Variants in PATJ observed in about 807,000 individuals in gnomAD.
The protein encoded by PATJ is inaD-like protein.
In PATJ, 190 loss-of-function variants were observed where a neutral mutation model predicts 224.9. The observed-to-expected ratio is 0.84, with a 90% CI of 0.75 to 0.95. The LOEUF (loss-of-function observed/expected upper bound fraction) is 0.95, where lower values mean the gene tolerates loss of function less well. Among genes scored for constraint, PATJ ranks in the 40% least tolerant of loss-of-function variants. PATJ has a pLI of 0.00. For synonymous variants in PATJ, 769 were observed against 820.3 expected (o/e 0.94, Z 1.07); for missense variants, 2,121 against 2,270.3 (o/e 0.93, Z 1.34).
intron 39 of PATJ, among the ~76,000 whole-genome samples, chr1:62,125,050 A>T (rs922960331): frequency 6.6e-6 from 1 of 151,424 alleles, no homozygotes; most frequent in African/African-American, 2.4e-5. Context: ...ACATGGGGAA[A>T]CTCCGTCTCT....
At position 61,771,593 on chromosome 1, in the gene PATJ, T is replaced by C. The variant is rs1382591144; in HGVS notation, c.687T>C (p.Ser229=). Residue 229 remains serine, a synonymous_variant, in exon 6 of 44, where the codon TCT becomes TCC. Transcript: ENST00000642238. ...REPVHTKSST[S]SSLNDTTLPE... is the part of the protein sequence containing the mutation. ...CAGTCCACACAAAAAGCAGTACTTC[T>C]AGCAGCCTAAATGATACAACTCTGC... 9 of 1,607,146 alleles carry C rather than the reference T, an allele frequency of 5.6e-6. No individual in the cohort carries two copies. The highest frequency in any genetic ancestry group is 7.6e-6 in the Non-Finnish European group (9 of 1,178,188).
At chr1:61,932,724 AC>A (rs1466274668) in intron 27 of PATJ, among the ~76,000 whole-genome samples, 1 of 152,012 alleles carries the variant, frequency 6.6e-6, no homozygotes, top group Non-Finnish European at 1.5e-5. Context: ...ACATGGTGAA[AC>A]CCCGTCTCTA....
intron 34 of PATJ, among the ~76,000 whole-genome samples, chr1:62,111,719 A>G (rs975043623): frequency 4.2e-4 from 63 of 149,694 alleles, no homozygotes; most frequent in African/African-American, 1.5e-3. Context: ...GGAGTGTAAC[A>G]GCACAATCTC....
chr1:61,797,298 G>C lies in PATJ; in HGVS notation c.1272G>C (p.Val424=). 6.2e-7 allele frequency: 1 copy of C among 1,612,384 alleles called. No homozygotes were observed. The highest frequency in any genetic ancestry group is 8.5e-7 in the Non-Finnish European group (1 of 1,178,570). The change falls in exon 11 of 44, where the codon GTG becomes GTC. Residue 424 remains valine (V), a synonymous_variant. Transcript: ENST00000642238. ...TCTTGATGTTTTAGGTCGATGGCGT[G>C]AACATTCAGGGTTTTGCCAACCATG... The part of the protein sequence containing the change: ...VNDKIVAVDG[V]NIQGFANHDV...
At chr1:61,763,532 C>CAAGAAAAAA (rs1646089028) in intron 3 of PATJ, among the ~76,000 whole-genome samples, 1 of 75,516 alleles carries the variant, frequency 1.3e-5, no homozygotes. Flanking sequence ...GACCCTGTCT[C>CAAGAAAAAA]AAAAAAAAAA....
chr1:61,749,684 T>G (rs1289986451), intron 1 of PATJ, among the ~76,000 whole-genome samples: 1 of 149,884 alleles, frequency 6.7e-6, no homozygotes, highest in Non-Finnish European at 1.5e-5. Flanking sequence ...AGCCTGGTGT[T>G]TTTTTTTTTG....
intron 27 of PATJ, among the ~76,000 whole-genome samples, chr1:61,929,259 G>A (rs771122924): frequency 3.3e-5 from 5 of 152,190 alleles, no homozygotes; most frequent in African/African-American, 4.8e-5. Context: ...CCCAGTTATT[G>A]GGAAACCTGG....
At chr1:62,139,332 A>G (rs943005828) in intron 41 of PATJ, among the ~76,000 whole-genome samples, 5 of 142,240 alleles carry the variant, frequency 3.5e-5, no homozygotes, top group South Asian at 2.4e-4. Context: ...TCCGGGAGGC[A>G]GAGATTGCAG....
In PATJ at chr1:62,153,394, C is replaced by A. The variant is rs1050904890; in HGVS notation, c.5415C>A (p.Gly1805=). Residue 1805 remains glycine (G), a synonymous_variant, in exon 43 of 44, where the codon GGC becomes GGA. Coordinates refer to ENST00000642238, the MANE Select transcript of PATJ (RefSeq NM_001350145.3). The part of the protein sequence containing the change: ...PPPKIITLEK[G]SEGLGFSIVG... ...CTAAGATTATTACTTTGGAGAAAGG[C>A]TCTGAAGGCTTGGGGTTTAGTATTG... 8 of 1,231,328 alleles carry A rather than the reference C, an allele frequency of 6.5e-6. No homozygotes were observed. The highest frequency in any genetic ancestry group is 4.7e-5 in the African/African-American group (3 of 64,400). The allele number at this position is 1,231,328 out of a possible 1,614,324, so 76.3% of individuals were successfully genotyped here. A position where few individuals can be genotyped will look rare whatever the true frequency, so the allele number is the denominator to read the frequency against.
intron 25 of PATJ, among the ~76,000 whole-genome samples, chr1:61,911,361 A>C (rs1436903558): frequency 1.3e-5 from 2 of 151,776 alleles, no homozygotes; most frequent in Non-Finnish European, 2.9e-5. Context: ...TTACAGGTGC[A>C]TGCCACCACG....
At chr1:61,978,569 C>A (rs1440299731) in intron 27 of PATJ, among the ~76,000 whole-genome samples, 1 of 152,020 alleles carries the variant, frequency 6.6e-6, no homozygotes, top group African/African-American at 2.4e-5. Context: ...CCAGCCTGTG[C>A]TGTTTCTTCT....
intron 27 of PATJ, chr1:61,952,202 C>T (rs1679787625): frequency 2.1e-6 from 1 of 485,782 alleles, no homozygotes; most frequent in African/African-American, 2.0e-5. Flanking sequence ...TAATTGATTG[C>T]TTTTCCTGAT....
chr1:62,130,168 A>G (rs1666114342), intron 41 of PATJ, among the ~76,000 whole-genome samples: 1 of 150,428 alleles, frequency 6.6e-6, no homozygotes, highest in African/African-American at 2.4e-5. Flanking sequence ...TCCCGTCTCT[A>G]CAAAAAAGTT....
At position 62,148,397 on chromosome 1, in the gene PATJ, A is replaced by C. The variant is rs924737383; in HGVS notation, c.5378+7A>C. On this transcript the variant is annotated splice_region_variant and intron_variant, in intron 42 of 43. Coordinates refer to ENST00000642238, the MANE Select transcript of PATJ (RefSeq NM_001350145.3). ...ACCATCCAGAAGACACAGAGTGAGT[A>C]TTTCAGATGCAGAGGGCCTATTATG... is the stretch of plus-strand genomic sequence containing the variant. The C allele has an allele frequency of 6.3e-7, 1 of 1,593,646 alleles. No homozygotes were observed. Among genetic ancestry groups the C allele is most frequent in the African/African-American group, 1.3e-5 (1 of 74,574 alleles).
At chr1:62,115,602 G>T (rs904944900) in intron 35 of PATJ, among the ~76,000 whole-genome samples, 1 of 148,980 alleles carries the variant, frequency 6.7e-6, no homozygotes, top group Non-Finnish European at 1.5e-5. Flanking sequence ...AGCTTCCATG[G>T]TTTACTGGCT....
At chr1:62,060,893 C>T (rs1480147103) in intron 31 of PATJ, among the ~76,000 whole-genome samples, 7 of 152,222 alleles carry the variant, frequency 4.6e-5, no homozygotes, top group East Asian at 1.9e-4. Flanking sequence ...GGTTTCACCA[C>T]GTTGGCCAGG....
intron 18 of PATJ, among the ~76,000 whole-genome samples, chr1:61,860,686 G>GC (rs1403957445): frequency 1.3e-5 from 2 of 152,140 alleles, no homozygotes; most frequent in Non-Finnish European, 2.9e-5. Context: ...ACATTAGCCA[G>GC]CAAGGTGTTG....
intron 25 of PATJ, among the ~76,000 whole-genome samples, chr1:61,909,314 G>A (rs933161092): frequency 5.9e-5 from 9 of 152,136 alleles, no homozygotes; most frequent in African/African-American, 2.2e-4. Flanking sequence ...TACTCCTTTG[G>A]TATGGAATTG....
intron 30 of PATJ, among the ~76,000 whole-genome samples, chr1:62,047,330 C>T (rs556540629): frequency 6.6e-6 from 1 of 152,210 alleles, no homozygotes; most frequent in Admixed American, 6.5e-5. Flanking sequence ...GATATCGGCT[C>T]ACCGCAACCT....
Sources: allele counts gnomAD v4.1 joint callset (sites outside exome capture counted in the v4.1 genomes callset), GRCh38; gene constraint gnomAD v4.1.1; transcripts MANE v1.5; gene names NCBI Gene and HGNC (gene_info 2026-07-23, HGNC 2026-07-21).